SHOC1: variants seen among roughly 807,000 people sequenced by gnomAD.
SHOC1 encodes the protein protein shortage in chiasmata 1 ortholog.
Under a neutral mutation model 179.2 loss-of-function variants are expected in SHOC1, and 136 were observed. The observed-to-expected ratio is 0.76, with a 90% CI of 0.66 to 0.87. SHOC1 has a LOEUF of 0.87. Ranked by LOEUF, SHOC1 falls within the 40% of genes least tolerant of loss-of-function variation. The pLI, the probability that SHOC1 is intolerant of heterozygous loss-of-function variation, is 0.00. For synonymous variants in SHOC1, 489 were observed against 586.6 expected (o/e 0.83, Z 2.41); for missense variants, 1,538 against 1,700.8 (o/e 0.90, Z 1.68).
At chr9:111,688,816 A>G (rs1329574679) in intron 27 of SHOC1, among the ~76,000 whole-genome samples, 1 of 95,214 alleles carries the variant, frequency 1.1e-5, no homozygotes, top group Non-Finnish European at 1.9e-5. Flanking sequence ...CTTGCTTTTA[A>G]GTTTTCCCTC....
intron 22 of SHOC1, among the ~76,000 whole-genome samples, chr9:111,702,508 C>T (rs912352392): frequency 2.0e-5 from 3 of 152,168 alleles, no homozygotes; most frequent in African/African-American, 7.2e-5. Context: ...TAGTTTGGCA[C>T]GCCATAGGCT....
intron 5 of SHOC1, among the ~76,000 whole-genome samples, chr9:111,765,324 A>C (rs1044547858): frequency 6.6e-6 from 1 of 152,170 alleles, no homozygotes; most frequent in African/African-American, 2.4e-5. Flanking sequence ...TTGGCTGGGC[A>C]CAGTGGCTGA....
chr9:111,718,449 A>G (rs1432866839), intron 15 of SHOC1, among the ~76,000 whole-genome samples, 161 bp from the exon 16 acceptor site: 3 of 152,180 alleles, frequency 2.0e-5, no homozygotes, highest in African/African-American at 7.2e-5. Context: ...TATAACAACA[A>G]TCCCATCAGA....
intron 17 of SHOC1, among the ~76,000 whole-genome samples, chr9:111,713,806 T>C (rs775098761): frequency 2.0e-5 from 3 of 152,162 alleles, no homozygotes; most frequent in Non-Finnish European, 2.9e-5. Flanking sequence ...ATGCTTGATG[T>C]AGGGTAGGCA....
intron 14 of SHOC1, among the ~76,000 whole-genome samples, chr9:111,723,022 C>T (rs1222928619): frequency 6.6e-5 from 10 of 152,214 alleles, no homozygotes; most frequent in East Asian, 3.9e-4. Flanking sequence ...CCTCATGATC[C>T]GCCCACCTCG....
At chr9:111,791,561 G>T in intron 1 of SHOC1, 107 bp from the exon 2 acceptor site, 1 of 420,548 alleles carries the variant, frequency 2.4e-6, no homozygotes, top group Non-Finnish European at 4.2e-6. Context: ...GGCTCTGAAT[G>T]ATAATCATTG....
intron 12 of SHOC1, among the ~76,000 whole-genome samples, chr9:111,735,372 C>G (rs1279538451): frequency 6.6e-6 from 1 of 152,078 alleles, no homozygotes. Context: ...GTGTGATGTT[C>G]CCCTCCCTGT....
chr9:111,752,465 G>A (rs1315946046), intron 8 of SHOC1, among the ~76,000 whole-genome samples: 3 of 152,262 alleles, frequency 2.0e-5, no homozygotes, highest in African/African-American at 2.4e-5. Context: ...AGAGAAAGTC[G>A]ACTCTCTTCA....
intron 22 of SHOC1, among the ~76,000 whole-genome samples, chr9:111,702,462 T>C (rs1683790766): frequency 2.0e-5 from 3 of 152,076 alleles, no homozygotes; most frequent in African/African-American, 7.2e-5. Flanking sequence ...TCTCCCGAGG[T>C]CCTAGATATG....
chr9:111,756,302 T>C, intron 8 of SHOC1, 23 bp downstream of exon 8: 1 of 1,556,584 alleles, frequency 6.4e-7, no homozygotes, highest in Non-Finnish European at 8.7e-7. Flanking sequence ...TTACAAGTAA[T>C]ACATTTTACA....
At chr9:111,762,704 G>A (rs1306850643) in intron 5 of SHOC1, among the ~76,000 whole-genome samples, 1 of 151,996 alleles carries the variant, frequency 6.6e-6, no homozygotes. Context: ...AGGAACAGAA[G>A]GAATCTTCCT....
At chr9:111,703,422 A>G (rs963583529) in intron 22 of SHOC1, among the ~76,000 whole-genome samples, 4 of 152,188 alleles carry the variant, frequency 2.6e-5, no homozygotes, top group African/African-American at 7.2e-5. Flanking sequence ...GAAAATTCCA[A>G]ACTATATGAA....
At chr9:111,746,825 T>C (rs1345783894) in intron 9 of SHOC1, among the ~76,000 whole-genome samples, 1 of 152,110 alleles carries the variant, frequency 6.6e-6, no homozygotes, top group African/African-American at 2.4e-5. Context: ...AGGAATTACA[T>C]ATATATAACA....
At chr9:111,696,994 GT>G (rs1407994533) in intron 24 of SHOC1, among the ~76,000 whole-genome samples, 1 of 152,136 alleles carries the variant, frequency 6.6e-6, no homozygotes, top group Non-Finnish European at 1.5e-5. Flanking sequence ...TTTATTGAAT[GT>G]TTTTGCTTTG....
chr9:111,703,054 G>T (rs1016535346), intron 22 of SHOC1, among the ~76,000 whole-genome samples: 3 of 152,164 alleles, frequency 2.0e-5, no homozygotes, highest in Non-Finnish European at 2.9e-5. Context: ...AGGCTGCAGT[G>T]AGCTATGATC....
At chr9:111,758,939 A>G (rs1023245795) in intron 5 of SHOC1, 91 bp from the exon 6 acceptor site, 2 of 895,470 alleles carry the variant, frequency 2.2e-6, no homozygotes, top group Non-Finnish European at 3.3e-6. Context: ...GTCATTAGAT[A>G]CAGCTGGGTT....
At chr9:111,696,015 G>A (rs942981117) in intron 24 of SHOC1, among the ~76,000 whole-genome samples, 27 of 152,296 alleles carry the variant, frequency 1.8e-4, no homozygotes, top group African/African-American at 5.8e-4. Context: ...ATAATTTTAT[G>A]ATGGCGATAA....
Position 111,699,946 on chromosome 9 carries a change from A to G in SHOC1, c.3183+8T>C. ...ATACTTATGAAGAAACACATAGGAA[A>G]AGAATACCTTTACATCCAGTTCTTC... On this transcript the variant is annotated splice_region_variant and intron_variant, in intron 24 of 27. Transcript: ENST00000682961. 6.3e-7 allele frequency: 1 copy of G among 1,575,412 alleles called. No individual in the cohort carries two copies. The highest frequency in any genetic ancestry group is 8.7e-7 in the Non-Finnish European group (1 of 1,154,280).
In SHOC1 at chr9:111,713,060, G is replaced by T. The variant is rs757622976; in HGVS notation, c.2488+40C>A. 12 of 1,200,500 alleles carry T rather than the reference G, an allele frequency of 1.0e-5. No individual in the cohort carries two copies. The African/African-American group carries it at 1.7e-4, about 17-fold the overall frequency. 74.4% of individuals were successfully genotyped at this position (1,200,500 alleles called of 1,614,324 possible). A position where few individuals can be genotyped will look rare whatever the true frequency, so the allele number is the denominator to read the frequency against. The stretch of plus-strand genomic sequence containing the variant: ...GATCAATACACTTTTATAAGTTCAA[G>T]CATTTGTTATCAAATGAAGCATAAT... On this transcript the variant is annotated intron_variant, in intron 18 of 27. Coordinates refer to ENST00000682961, the MANE Select transcript of SHOC1 (RefSeq NM_001378211.1).
Sources: allele counts gnomAD v4.1 joint callset (sites outside exome capture counted in the v4.1 genomes callset), GRCh38; gene constraint gnomAD v4.1.1; transcripts MANE v1.5; gene names NCBI Gene and HGNC (gene_info 2026-07-23, HGNC 2026-07-21).